ITPK1: variants seen among roughly 807,000 people sequenced by gnomAD.
The protein encoded by ITPK1 is inositol 1,3,4-trisphosphate 5/6-kinase.
Under a neutral mutation model 45.3 loss-of-function variants are expected in ITPK1, and 21 were observed. That is an observed-to-expected ratio of 0.46 (90% CI 0.33 to 0.67). The LOEUF (loss-of-function observed/expected upper bound fraction) is 0.67. Among genes scored for constraint, ITPK1 ranks in the 30% least tolerant of loss-of-function variants. The pLI, the probability that ITPK1 is intolerant of heterozygous loss-of-function variation, is 0.02. For missense variants in ITPK1, 474 were observed against 573.5 expected (o/e 0.83, Z 1.77); for synonymous variants, 258 against 253.6 (o/e 1.02, Z -0.16).
intron 5 of ITPK1, among the ~76,000 whole-genome samples, chr14:92,986,059 T>C (rs963490867): frequency 1.8e-4 from 28 of 152,144 alleles, no homozygotes; most frequent in African/African-American, 6.8e-4. Flanking sequence ...GTGGGTCCCA[T>C]GGAGACAGCA....
Position 93,036,238 on chromosome 14 carries a change from G to A in ITPK1, c.121-19437C>T, listed in dbSNP as rs920384030. Among the ~76,000 whole-genome samples the A allele has an allele frequency of 1.2e-4, 19 of 152,140 alleles. No homozygotes were observed. The highest frequency in any genetic ancestry group is 2.0e-4 in the Admixed American group (3 of 15,274). On this transcript the variant is annotated intron_variant, in intron 3 of 10. Transcript: ENST00000267615. The surrounding 1 kb of genome is among the most constrained non-coding windows in gnomAD (Gnocchi z 4.1). ...TGTCCCCGTCCTACTGGGAAGGGCC[G>A]CTCCTATAGCAACCAGCCCTGCCCC...
At chr14:93,045,382 G>A (rs997312819) in intron 3 of ITPK1, among the ~76,000 whole-genome samples, 1 of 152,350 alleles carries the variant, frequency 6.6e-6, no homozygotes. Flanking sequence ...CAGACTGAGA[G>A]GCTGGAAGTA....
intron 3 of ITPK1, among the ~76,000 whole-genome samples, chr14:93,057,956 G>A (rs1008247381): frequency 3.3e-5 from 5 of 152,184 alleles, no homozygotes; most frequent in Non-Finnish European, 5.9e-5. Context: ...TCAGCTCGGC[G>A]AGAGCCCTCC....
Position 93,115,274 on chromosome 14 carries a change from C to T in ITPK1, c.-111G>A. ...GCACCTCCTCCCGGCGGCGGGGACG[C>T]GGAACGGGGATCGGAGCTGGGGCGC... On this transcript the variant is annotated 5_prime_UTR_variant, in exon 2 of 11. Transcript: ENST00000267615. The T allele has an allele frequency of 3.0e-6, 2 of 671,404 alleles. No individual in the cohort carries two copies. The highest frequency in any genetic ancestry group is 1.9e-5 in the African/African-American group (1 of 52,456). 41.6% of individuals were successfully genotyped at this position (671,404 alleles called of 1,614,324 possible).
chr14:92,976,919 T>TA (rs1885972839), intron 5 of ITPK1, among the ~76,000 whole-genome samples: 2 of 152,228 alleles, frequency 1.3e-5, no homozygotes, highest in Non-Finnish European at 2.9e-5. Context: ...GGAAGGCTCC[T>TA]TTCCCACTTC....
At chr14:93,077,192 C>T (rs1461831871) in intron 2 of ITPK1, among the ~76,000 whole-genome samples, 1 of 152,238 alleles carries the variant, frequency 6.6e-6, no homozygotes, top group Non-Finnish European at 1.5e-5. Context: ...TCCCCGCTCA[C>T]ATGCAGTCCC....
At chr14:92,970,006 C>A (rs79360956) in intron 5 of ITPK1, among the ~76,000 whole-genome samples, 2 of 152,150 alleles carry the variant, frequency 1.3e-5, no homozygotes, top group African/African-American at 4.8e-5. Context: ...CAAGGCCACA[C>A]GAGTTACCAG....
intron 3 of ITPK1, among the ~76,000 whole-genome samples, chr14:93,019,551 C>T (rs546438159): frequency 2.0e-5 from 3 of 152,348 alleles, no homozygotes; most frequent in South Asian, 4.1e-4. Context: ...GGGCTGCTCT[C>T]GGGTGCGGCC....
chr14:92,996,372 G>A (rs970423044), intron 4 of ITPK1, among the ~76,000 whole-genome samples: 6 of 149,882 alleles, frequency 4.0e-5, no homozygotes, highest in Admixed American at 1.3e-4. Flanking sequence ...TCATAGGTGG[G>A]AATTGAACAA....
At chr14:93,073,605 C>T (rs1006875591) in intron 3 of ITPK1, among the ~76,000 whole-genome samples, 8 of 152,206 alleles carry the variant, frequency 5.3e-5, no homozygotes, top group African/African-American at 1.9e-4. Flanking sequence ...TGAGTCCTGA[C>T]CCTTGGCCCC....
At chr14:92,982,638 G>C (rs1463556958) in intron 5 of ITPK1, among the ~76,000 whole-genome samples, 2 of 152,190 alleles carry the variant, frequency 1.3e-5, no homozygotes, top group Non-Finnish European at 2.9e-5. Flanking sequence ...ACCACACCAT[G>C]CGGGCTTCTG....
chr14:92,984,463 T>C (rs1886396418), intron 5 of ITPK1, among the ~76,000 whole-genome samples: 1 of 152,384 alleles, frequency 6.6e-6, no homozygotes, highest in African/African-American at 2.4e-5. Flanking sequence ...TGTCTCATAA[T>C]TGATATTTCA....
At chr14:92,960,060 C>A (rs12589470) in intron 7 of ITPK1, among the ~76,000 whole-genome samples, 10,208 of 152,272 alleles carry the variant, frequency 0.067, 588 homozygotes, top group East Asian at 0.32. Flanking sequence ...CAGTGTCCAC[C>A]CCAGAGGGCA....
intron 3 of ITPK1, among the ~76,000 whole-genome samples, chr14:93,027,305 A>G (rs1888785958): frequency 1.3e-5 from 2 of 152,214 alleles, no homozygotes; most frequent in Admixed American, 6.5e-5. Flanking sequence ...CTCTAGGAAG[A>G]GCACACGTTT....
chr14:92,961,581 C>CA (rs1885074018), intron 7 of ITPK1, among the ~76,000 whole-genome samples: 1 of 152,230 alleles, frequency 6.6e-6, no homozygotes, highest in Non-Finnish European at 1.5e-5. Flanking sequence ...AGAGCCTTGT[C>CA]AGAGCTAACA....
chr14:93,082,763 G>A (rs554046383), intron 2 of ITPK1, among the ~76,000 whole-genome samples: 2 of 152,326 alleles, frequency 1.3e-5, no homozygotes, highest in African/African-American at 4.8e-5. Flanking sequence ...GGGTCCTGGG[G>A]GACTGTCTGC....
chr14:93,073,445 G>A (rs909675628), intron 3 of ITPK1, among the ~76,000 whole-genome samples: 1 of 152,184 alleles, frequency 6.6e-6, no homozygotes, highest in Non-Finnish European at 1.5e-5. Context: ...CCTCGGGAAG[G>A]TTACACACAA....
chr14:92,968,348 T>C (rs1885481665), intron 5 of ITPK1, among the ~76,000 whole-genome samples: 1 of 151,500 alleles, frequency 6.6e-6, no homozygotes, highest in South Asian at 2.1e-4. Context: ...AATAGAAAGG[T>C]AAATGTATGA....
chr14:93,053,402 G>A (rs10138790), intron 3 of ITPK1, among the ~76,000 whole-genome samples: 25,695 of 152,158 alleles, frequency 0.17, 2,304 homozygotes, highest in African/African-American at 0.21. Context: ...CTGTTGTCCT[G>A]GGGGCCTCAT....
Sources: gnomAD v4.1 joint callset for allele counts (sites outside exome capture counted in the v4.1 genomes callset) on GRCh38, gnomAD v4.1.1 for gene constraint, Gnocchi (gnomAD v3.1) non-coding constraint, MANE v1.5 for transcripts, NCBI Gene and HGNC (gene_info 2026-07-23, HGNC 2026-07-21) for gene names.